Variants in SKAP1 observed in about 807,000 individuals in gnomAD.
SKAP1 encodes src kinase associated phosphoprotein 1.
A neutral mutation model predicts 58.5 loss-of-function variants in SKAP1; 44 were observed. The ratio of observed to expected loss-of-function variants is 0.75; its 90% CI spans 0.59 to 0.97. SKAP1 has a LOEUF of 0.97. Among genes scored for constraint, SKAP1 ranks in the 50% least tolerant of loss-of-function variants. SKAP1 has a pLI of 0.00. For synonymous variants in SKAP1, 127 were observed against 149.7 expected, an observed-to-expected ratio of 0.85 and a Z score of 1.11; for missense variants, 390 against 435.2, an observed-to-expected ratio of 0.90 and a Z score of 0.92.
At chr17:48,376,681 A>T (rs1455633583) in intron 2 of SKAP1, among the ~76,000 whole-genome samples, 1 of 152,216 alleles carries the variant, frequency 6.6e-6, no homozygotes, top group Non-Finnish European at 1.5e-5. Context: ...TTGTTCTCTC[A>T]GTAGTAGAGA....
intron 4 of SKAP1, among the ~76,000 whole-genome samples, chr17:48,245,149 T>C (rs2065281606): frequency 6.6e-6 from 1 of 152,166 alleles, no homozygotes; most frequent in Non-Finnish European, 1.5e-5. Context: ...TTATAGAATC[T>C]AAAATGGTAG....
intron 1 of SKAP1, among the ~76,000 whole-genome samples, chr17:48,405,458 C>CTTTCTTTCTTTCT (rs2067567995): frequency 2.6e-5 from 2 of 77,688 alleles, no homozygotes; most frequent in East Asian, 3.1e-4. Context: ...TCTTTTCTTT[C>CTTTCTTTCTTTCT]TTTCTTTCCT....
chr17:48,144,302 T>G (rs1387730166), intron 11 of SKAP1, among the ~76,000 whole-genome samples: 1 of 152,082 alleles, frequency 6.6e-6, no homozygotes, highest in Non-Finnish European at 1.5e-5. Flanking sequence ...AATGGAAAAT[T>G]TCTAACCTTC....
chr17:48,221,930 C>G (rs1177066917), intron 4 of SKAP1, among the ~76,000 whole-genome samples: 2 of 152,170 alleles, frequency 1.3e-5, no homozygotes, highest in African/African-American at 4.8e-5. Context: ...CCCACTCCTC[C>G]TGATGATAAA....
At position 48,170,596 on chromosome 17, in the gene SKAP1, GAA is replaced by G; in HGVS notation, c.877+11_877+12del. 6.2e-7 allele frequency: 1 copy of G among 1,611,758 alleles called. No individual in the cohort carries two copies. Among genetic ancestry groups the G allele is most frequent in the African/African-American group, 1.3e-5 (1 of 74,948 alleles). ...GTCCTACCCAGTGCCTGTGCATTTA[GAA>G]GCTCTTATACCTCCTTTTCGTCGAG... is the stretch of plus-strand genomic sequence containing the variant. On this transcript the variant is annotated intron_variant, in intron 10 of 12. Coordinates refer to ENST00000336915, the MANE Select transcript of SKAP1 (RefSeq NM_003726.4).
At chr17:48,186,573 C>T (rs1186457858) in intron 6 of SKAP1, among the ~76,000 whole-genome samples, 2 of 152,050 alleles carry the variant, frequency 1.3e-5, no homozygotes, top group Admixed American at 1.3e-4. Flanking sequence ...ACAACCTCCA[C>T]CTCCTGGGTT....
At chr17:48,413,542 A>G (rs1160433877) in intron 1 of SKAP1, among the ~76,000 whole-genome samples, 1 of 138,016 alleles carries the variant, frequency 7.2e-6, no homozygotes, top group Non-Finnish European at 1.5e-5. Flanking sequence ...ATATATATAT[A>G]TTTGCTCTTC....
intron 11 of SKAP1, 83 bp downstream of exon 11, chr17:48,162,386 C>T (rs1000357410): frequency 1.2e-6 from 1 of 802,752 alleles, no homozygotes; most frequent in Non-Finnish European, 2.0e-6. Context: ...AAGTGTATGA[C>T]ATGGAATAAT....
chr17:48,410,402 C>T (rs2067647509), intron 1 of SKAP1, among the ~76,000 whole-genome samples: 1 of 151,896 alleles, frequency 6.6e-6, no homozygotes. Flanking sequence ...GCTAAGAGGA[C>T]CTAAAAGAAA....
chr17:48,355,206 T>A (rs1262035363), intron 3 of SKAP1, among the ~76,000 whole-genome samples: 1 of 152,190 alleles, frequency 6.6e-6, no homozygotes, highest in Non-Finnish European at 1.5e-5. Flanking sequence ...AAGACTAAGA[T>A]GGGGTAAGAA....
At chr17:48,400,106 T>C (rs1316496942) in intron 1 of SKAP1, among the ~76,000 whole-genome samples, 2 of 150,770 alleles carry the variant, frequency 1.3e-5, no homozygotes, top group South Asian at 2.1e-4. Flanking sequence ...CTTTTCTTTT[T>C]TTTTTTTTTT....
intron 12 of SKAP1, among the ~76,000 whole-genome samples, chr17:48,135,564 A>G (rs933489628): frequency 6.6e-6 from 1 of 151,394 alleles, no homozygotes; most frequent in African/African-American, 2.4e-5. Context: ...TGTAATCTCA[A>G]CCTCCTGGGC....
chr17:48,152,912 AT>A (rs1422881339), intron 11 of SKAP1, among the ~76,000 whole-genome samples: 1 of 152,216 alleles, frequency 6.6e-6, no homozygotes, highest in Non-Finnish European at 1.5e-5. Flanking sequence ...AATTCTGAGC[AT>A]TAACCTAACC....
At chr17:48,346,854 C>T (rs534092045) in intron 3 of SKAP1, among the ~76,000 whole-genome samples, 5 of 152,206 alleles carry the variant, frequency 3.3e-5, no homozygotes, top group South Asian at 2.1e-4. Context: ...TGTTCTGCAA[C>T]GTTAACAAAG....
intron 2 of SKAP1, among the ~76,000 whole-genome samples, chr17:48,370,475 G>T (rs2067069240): frequency 6.6e-6 from 1 of 151,908 alleles, no homozygotes; most frequent in Non-Finnish European, 1.5e-5. Context: ...GCTAATTATT[G>T]TATTTTTTGT....
intron 2 of SKAP1, among the ~76,000 whole-genome samples, chr17:48,393,392 T>G (rs2067374946): frequency 6.6e-6 from 1 of 152,222 alleles, no homozygotes; most frequent in Non-Finnish European, 1.5e-5. Flanking sequence ...TTTTTGTTTC[T>G]AAGTCTAAAA....
chr17:48,272,111 T>TCAGA (rs1226212459), intron 4 of SKAP1, among the ~76,000 whole-genome samples: 1 of 150,018 alleles, frequency 6.7e-6, no homozygotes, highest in Non-Finnish European at 1.5e-5. Context: ...GTAATGATTC[T>TCAGA]CAGATGTTTT....
intron 12 of SKAP1, among the ~76,000 whole-genome samples, chr17:48,135,943 A>T (rs1411541214): frequency 6.6e-6 from 1 of 152,132 alleles, no homozygotes; most frequent in East Asian, 1.9e-4. Context: ...AGAGCTGGGG[A>T]TAAACCTAGA....
intron 4 of SKAP1, among the ~76,000 whole-genome samples, chr17:48,210,102 C>CAGCT (rs1232819798): frequency 3.9e-5 from 6 of 152,206 alleles, no homozygotes; most frequent in Non-Finnish European, 8.8e-5. Context: ...GGATAAGGCA[C>CAGCT]AGCTGTCTGT....
Sources: allele counts gnomAD v4.1 joint callset (sites outside exome capture counted in the v4.1 genomes callset), GRCh38; gene constraint gnomAD v4.1.1; transcripts MANE v1.5; gene names NCBI Gene and HGNC (gene_info 2026-07-23, HGNC 2026-07-21).